The following GRIK4 variants were observed in gnomAD, a reference collection of about 807,000 sequenced individuals.
GRIK4 encodes glutamate ionotropic receptor kainate type subunit 4, also known as glutamate receptor ionotropic, kainate 4.
GRIK4 carries 40 observed loss-of-function variants against 104.9 expected under a neutral mutation model. The ratio of observed to expected loss-of-function variants is 0.38; its 90% CI spans 0.30 to 0.50. The LOEUF (loss-of-function observed/expected upper bound fraction) is 0.50. Among genes scored for constraint, GRIK4 ranks in the 20% least tolerant of loss-of-function variants. The pLI, the probability that GRIK4 is intolerant of heterozygous loss-of-function variation, is 0.93. For missense variants in GRIK4, 1,047 were observed against 1,308.1 expected (o/e 0.80, Z 3.08); for synonymous variants, 485 against 524.9 (o/e 0.92, Z 1.04).
intron 1 of GRIK4, among the ~76,000 whole-genome samples, chr11:120,517,470 C>T (rs1204181975): frequency 6.7e-6 from 1 of 148,480 alleles, no homozygotes; most frequent in African/African-American, 2.6e-5. Flanking sequence ...TGGGCAGGCC[C>T]CCTGAGGCAA....
intron 1 of GRIK4, among the ~76,000 whole-genome samples, chr11:120,587,644 T>C (rs932864447): frequency 2.0e-5 from 3 of 152,156 alleles, no homozygotes; most frequent in South Asian, 2.1e-4. Flanking sequence ...TCAGGAGCTC[T>C]TTAGGGTTGA....
At chr11:120,665,543 C>T (rs907936271) in intron 3 of GRIK4, among the ~76,000 whole-genome samples, 8 of 152,162 alleles carry the variant, frequency 5.3e-5, no homozygotes, top group Non-Finnish European at 7.4e-5. Flanking sequence ...CTGTGCTTGG[C>T]CCACAGTAGT....
intron 13 of GRIK4, among the ~76,000 whole-genome samples, chr11:120,926,572 A>AGCTG (rs1446804574): frequency 3.3e-5 from 5 of 152,246 alleles, no homozygotes; most frequent in Non-Finnish European, 7.3e-5. Flanking sequence ...TAAGTGGCTG[A>AGCTG]GCTGGCCCTA....
chr11:120,781,782 T>C (rs529895524), intron 3 of GRIK4, among the ~76,000 whole-genome samples: 10 of 152,328 alleles, frequency 6.6e-5, no homozygotes, highest in Admixed American at 5.9e-4. Flanking sequence ...TTCAGGACTT[T>C]GGGCTAGGTT....
At chr11:120,580,246 TCTTTCTTTTTCTTTCTTTCTTTC>T (rs1289132596) in intron 1 of GRIK4, among the ~76,000 whole-genome samples, 4,458 of 143,860 alleles carry the variant, frequency 0.031, 260 homozygotes, top group African/African-American at 0.11. Context: ...TTTCTTTCTT[TCTTTCTTTTTCTTTCTTTCTTTC>T]CTTTCTTTCT....
At chr11:120,538,609 C>T (rs1948002421) in intron 1 of GRIK4, among the ~76,000 whole-genome samples, 1 of 152,212 alleles carries the variant, frequency 6.6e-6, no homozygotes, top group African/African-American at 2.4e-5. Flanking sequence ...GGGCAGACTG[C>T]CTCGGGTCCC....
intron 1 of GRIK4, among the ~76,000 whole-genome samples, chr11:120,517,406 G>T (rs1947742757): frequency 6.7e-6 from 1 of 148,640 alleles, no homozygotes; most frequent in South Asian, 2.2e-4. Flanking sequence ...CAGCCTCTTG[G>T]TGCCCGCTTG....
At chr11:120,817,192 C>T (rs1354645399) in intron 5 of GRIK4, among the ~76,000 whole-genome samples, 1 of 152,116 alleles carries the variant, frequency 6.6e-6, no homozygotes, top group African/African-American at 2.4e-5. Flanking sequence ...CATCCTCCCC[C>T]AAGCCCCACT....
intron 1 of GRIK4, among the ~76,000 whole-genome samples, chr11:120,538,425 G>C (rs1020969151): frequency 6.6e-6 from 1 of 152,168 alleles, no homozygotes; most frequent in Non-Finnish European, 1.5e-5. Flanking sequence ...ATTGTAAAAG[G>C]CCTCCTCTCC....
At chr11:120,719,481 T>C (rs1028413014) in intron 3 of GRIK4, among the ~76,000 whole-genome samples, 1 of 152,308 alleles carries the variant, frequency 6.6e-6, no homozygotes. Flanking sequence ...CCTTGGATTC[T>C]GAGTGCTCCT....
At chr11:120,560,459 C>T (rs1173334539) in intron 1 of GRIK4, among the ~76,000 whole-genome samples, 3 of 152,214 alleles carry the variant, frequency 2.0e-5, no homozygotes, top group Middle Eastern at 3.4e-3. Context: ...ACAGTGTCCC[C>T]GTTGAATTCA....
chr11:120,896,521 A>G (rs1942586375), intron 11 of GRIK4, among the ~76,000 whole-genome samples: 2 of 152,332 alleles, frequency 1.3e-5, no homozygotes, highest in East Asian at 3.9e-4. Context: ...CCTTTTCCAC[A>G]GGAAAGGCCC....
At chr11:120,745,402 G>A (rs760016135) in intron 3 of GRIK4, among the ~76,000 whole-genome samples, 26 of 152,080 alleles carry the variant, frequency 1.7e-4, no homozygotes, top group Non-Finnish European at 3.5e-4. Flanking sequence ...ACACTGTATC[G>A]TGAACAGCTT....
At chr11:120,604,452 G>A (rs1450572992) in intron 1 of GRIK4, among the ~76,000 whole-genome samples, 1 of 152,226 alleles carries the variant, frequency 6.6e-6, no homozygotes, top group Non-Finnish European at 1.5e-5. Context: ...CTACCAAGGT[G>A]GCTTTCCAGA....
At chr11:120,623,520 C>A (rs1031984758) in intron 1 of GRIK4, among the ~76,000 whole-genome samples, 3 of 152,272 alleles carry the variant, frequency 2.0e-5, no homozygotes, top group Admixed American at 1.3e-4. Flanking sequence ...GTGTTCCTGA[C>A]CCCCAACCAG....
chr11:120,670,719 A>ATTT (rs2135264739), intron 3 of GRIK4, among the ~76,000 whole-genome samples: 1 of 151,388 alleles, frequency 6.6e-6, no homozygotes, highest in Admixed American at 6.6e-5. Flanking sequence ...TTTTATTTTT[A>ATTT]TTATACTTTA....
At chr11:120,563,538 G>GT (rs1015053876) in intron 1 of GRIK4, among the ~76,000 whole-genome samples, 83 of 152,022 alleles carry the variant, frequency 5.5e-4, no homozygotes, top group Middle Eastern at 3.4e-3. Context: ...TTTTGAACTC[G>GT]TTTTTTTTAA....
intron 1 of GRIK4, among the ~76,000 whole-genome samples, chr11:120,514,578 C>G (rs73584200): frequency 0.088 from 13,409 of 152,134 alleles, 870 homozygotes; most frequent in African/African-American, 0.17. Context: ...GATGGCTCAC[C>G]GTTTTCACCC....
intron 3 of GRIK4, among the ~76,000 whole-genome samples, chr11:120,675,285 C>G (rs1010333238): frequency 6.6e-6 from 1 of 152,206 alleles, no homozygotes; most frequent in African/African-American, 2.4e-5. Context: ...GGGAGAGTTG[C>G]TGCAGTTGGC....
Sources: gnomAD v4.1 joint callset for allele counts (sites outside exome capture counted in the v4.1 genomes callset) on GRCh38, gnomAD v4.1.1 for gene constraint, MANE v1.5 for transcripts, NCBI Gene and HGNC (gene_info 2026-07-23, HGNC 2026-07-21) for gene names.